Variants in COG1 observed in about 807,000 individuals in gnomAD.
COG1 encodes the protein conserved oligomeric Golgi complex subunit 1.
In COG1, 61 loss-of-function variants were observed where a neutral mutation model predicts 102.2. The ratio of observed to expected loss-of-function variants is 0.60; its 90% CI spans 0.49 to 0.74. The LOEUF is 0.74. Among genes scored for constraint, COG1 ranks in the 30% least tolerant of loss-of-function variants. The pLI, the probability that COG1 is intolerant of heterozygous loss-of-function variation, is 0.00. For synonymous variants in COG1, 454 were observed against 493.6 expected (o/e 0.92, Z 1.06); for missense variants, 1,164 against 1,232.1 (o/e 0.94, Z 0.83).
At chr17:73,200,536 T>G in intron 5 of COG1, 30 bp from the exon 6 acceptor site, 1 of 1,586,036 alleles carries the variant, frequency 6.3e-7, no homozygotes, top group Non-Finnish European at 8.7e-7. Flanking sequence ...ATGCCTCTGA[T>G]GGAGCCCAAA....
chr17:73,206,670 T>G, intron 11 of COG1, 38 bp from the exon 12 acceptor site: 2 of 1,188,700 alleles, frequency 1.7e-6, no homozygotes, highest in Non-Finnish European at 2.5e-6. Flanking sequence ...TTCTTTTACC[T>G]GCACAATGAA....
At chr17:73,194,152 A>ATTTTTTTTTTTTTTTT (rs1257232460) in intron 1 of COG1, among the ~76,000 whole-genome samples, 7 of 147,482 alleles carry the variant, frequency 4.7e-5, no homozygotes, top group Admixed American at 6.8e-5. Flanking sequence ...TTCCTAAAGA[A>ATTTTTTTTTTTTTTTT]TTTTTATTGG....
chr17:73,194,641 T>C (rs543395775), intron 1 of COG1, among the ~76,000 whole-genome samples: 41 of 151,874 alleles, frequency 2.7e-4, no homozygotes, highest in African/African-American at 9.9e-4. Context: ...TTTTTGTACT[T>C]TCAGTAGAGA....
rs1209287996 is a variant in COG1 at position 73,197,065 on chromosome 17, C to G, written c.726C>G (p.Leu242=). 4.3e-6 allele frequency: 7 copies of G among 1,614,048 alleles called. No homozygotes were observed. The African/African-American group carries it at 8.0e-5, about 18-fold the overall frequency. Residue 242 remains leucine (L), a synonymous_variant, in exon 3 of 14, where the codon CTC becomes CTG. Transcript: ENST00000299886. ...LARKATIQKL[L]NQPHHGAGIK... ...GAAAGGCAACTATTCAGAAACTTCT[C>G]AACCAGCCACACCATGGTGGGTGTG...
At position 73,203,645 on chromosome 17, in the gene COG1, T is replaced by C. The variant is rs2061356036; in HGVS notation, c.2234T>C (p.Val745Ala). 6.2e-7 allele frequency: 1 copy of C among 1,614,254 alleles called. No individual in the cohort carries two copies. Among genetic ancestry groups the C allele is most frequent in the Non-Finnish European group, 8.5e-7 (1 of 1,180,050 alleles). ...IRLPAQPSWYVQSFLFSLCQE... is the reference protein window; with the variant it reads ...IRLPAQPSWYAQSFLFSLCQE... ...TTGTTCTTTTAGCCGTCCTGGTATGTACAGTCCTTCCTGTTTAGTTTATGC... is the reference window on the plus strand; with the variant it reads ...TTGTTCTTTTAGCCGTCCTGGTATGCACAGTCCTTCCTGTTTAGTTTATGC... Residue 745 changes from valine (V) to alanine (A), a missense_variant, in exon 9 of 14, where the codon GTA (valine) becomes GCA (alanine). Transcript: ENST00000299886.
intron 13 of COG1, 188 bp downstream of exon 13, chr17:73,207,444 G>T: frequency 1.4e-6 from 1 of 712,226 alleles, no homozygotes; most frequent in Non-Finnish European, 2.5e-6. Context: ...AGGTGTAAAA[G>T]ATGCCCGCTG....
chr17:73,195,470 C>G (rs1261026127), intron 1 of COG1, among the ~76,000 whole-genome samples: 6 of 151,926 alleles, frequency 3.9e-5, no homozygotes, highest in African/African-American at 1.5e-4. Flanking sequence ...AAAAAGTGAG[C>G]GGGCATGGTG....
At chr17:73,202,472 T>C (rs2061351219) in intron 7 of COG1, among the ~76,000 whole-genome samples, 1 of 152,110 alleles carries the variant, frequency 6.6e-6, no homozygotes, top group African/African-American at 2.4e-5. Context: ...ATATTCCCAG[T>C]AGCCTCCACT....
At chr17:73,201,979 CAGT>C in intron 7 of COG1, 79 bp downstream of exon 7, 1 of 1,320,766 alleles carries the variant, frequency 7.6e-7, no homozygotes, top group Admixed American at 1.8e-5. Flanking sequence ...TCAGTTCCTT[CAGT>C]AGTAAAGGCA....
At position 73,207,705 on chromosome 17, in the gene COG1, G is replaced by A. The variant is rs3751924; in HGVS notation, c.2805+449G>A. 3.2e-4 allele frequency: 408 copies of A among 1,292,184 alleles called. 1 individual carries two copies. In the East Asian group the frequency reaches 6.8e-3, roughly 22 times the overall value. The allele number at this position is 1,292,184 out of a possible 1,614,324, so 80.0% of individuals were successfully genotyped here. A position where few individuals can be genotyped will look rare whatever the true frequency, so the allele number is the denominator to read the frequency against. ...GTTAATACACGTTTCATTTCAGTAC[G>A]ATGCCAACTGTTAAGCCTGCAGGAA... On this transcript the variant is annotated intron_variant, in intron 13 of 13. Coordinates refer to ENST00000299886, the MANE Select transcript of COG1 (RefSeq NM_018714.3).
chr17:73,205,986 A>T, intron 10 of COG1, 168 bp from the exon 11 acceptor site: 1 of 697,306 alleles, frequency 1.4e-6, no homozygotes, highest in East Asian at 2.7e-5. Flanking sequence ...CTTCACTTAG[A>T]CATCATGCTT....
rs1486692795 is a variant in COG1 at position 73,197,072 on chromosome 17, C to T, written c.733C>T (p.Pro245Ser). 2.5e-6 allele frequency: 4 copies of T among 1,614,212 alleles called. No individual in the cohort carries two copies. The highest frequency in any genetic ancestry group is 2.2e-5 in the East Asian group (1 of 44,884). Reference protein sequence around the residue: ...KATIQKLLNQPHHGAGIKAQI... With the variant: ...KATIQKLLNQSHHGAGIKAQI... ...AACTATTCAGAAACTTCTCAACCAGCCACACCATGGTGGGTGTGGCTTCTG... is the reference window on the plus strand; with the variant it reads ...AACTATTCAGAAACTTCTCAACCAGTCACACCATGGTGGGTGTGGCTTCTG... Residue 245 changes from proline (P) to serine (S), a missense_variant, in exon 3 of 14, where the codon CCA (proline) becomes TCA (serine). By Grantham distance (74) the Pro-to-Ser change is moderately conservative. Coordinates refer to ENST00000299886, the MANE Select transcript of COG1 (RefSeq NM_018714.3).
rs1192912617 is a variant in COG1, at chr17:73,205,677, C to G, written c.2507C>G (p.Ser836Cys). Reference sequence around the variant, plus strand: ...AAGAGTGGCCGGAGCAAGCCAGACTCCAGGTGTCGTATCCTCTAGGGAGCT... The same window carrying G: ...AAGAGTGGCCGGAGCAAGCCAGACTGCAGGTGTCGTATCCTCTAGGGAGCT... ...EVKSGRSKPD[S>C]RIEKVTDHLE... The change falls in exon 10 of 14, where the codon TCC becomes TGC. Residue 836 changes from serine (S) to cysteine (C), a missense_variant. Coordinates refer to ENST00000299886, the MANE Select transcript of COG1 (RefSeq NM_018714.3). 1 of 1,613,674 alleles carries G rather than the reference C, an allele frequency of 6.2e-7. No homozygotes were observed. Among genetic ancestry groups the G allele is most frequent in the Non-Finnish European group, 8.5e-7 (1 of 1,180,006 alleles).
chr17:73,204,517 G>A (rs770184764), intron 9 of COG1, among the ~76,000 whole-genome samples: 2 of 150,348 alleles, frequency 1.3e-5, no homozygotes, highest in Non-Finnish European at 3.0e-5. Flanking sequence ...TCTAGGAAGC[G>A]TTCTGCCCTT....
rs1477476023 is a variant in COG1 at position 73,207,068 on chromosome 17, G to C, written c.2730-113G>C. 9 of 930,696 alleles carry C rather than the reference G, an allele frequency of 9.7e-6. No homozygotes were observed. In the African/African-American group the frequency reaches 1.7e-4, roughly 18 times the overall value. 57.7% of individuals were successfully genotyped at this position (930,696 alleles called of 1,614,324 possible). Reference sequence around the variant, plus strand: ...AGATTGCGCCACTGCACTCCAGCCTGGGCGACAGAACGAGACTCTGTCTCA... The same window carrying C: ...AGATTGCGCCACTGCACTCCAGCCTCGGCGACAGAACGAGACTCTGTCTCA... On this transcript the variant is annotated intron_variant, in intron 12 of 13. Coordinates refer to ENST00000299886, the MANE Select transcript of COG1 (RefSeq NM_018714.3).
rs532509923 is a variant in COG1 at position 73,196,848 on chromosome 17, T to G, written c.561-52T>G. On this transcript the variant is annotated intron_variant, in intron 2 of 13. Coordinates refer to ENST00000299886, the MANE Select transcript of COG1 (RefSeq NM_018714.3). ...CTTCTTTCCTGATGTACCAAAGCTC[T>G]TTACCCAAGATGTGAAAAACACCCT... The G allele has an allele frequency of 2.5e-6, 4 of 1,613,776 alleles. No homozygotes were observed. In the East Asian group the frequency reaches 6.7e-5, roughly 27 times the overall value.
At chr17:73,197,770 G>T (rs1306058485) in intron 4 of COG1, among the ~76,000 whole-genome samples, 1 of 152,192 alleles carries the variant, frequency 6.6e-6, no homozygotes, top group Non-Finnish European at 1.5e-5. Context: ...TCAGGCAAAG[G>T]GAAGAGGATG....
intron 9 of COG1, among the ~76,000 whole-genome samples, chr17:73,204,056 G>A (rs559153055): frequency 6.6e-6 from 1 of 152,292 alleles, no homozygotes; most frequent in Non-Finnish European, 1.5e-5. Flanking sequence ...AGAACTTTGG[G>A]AGGCTGAGGT....
rs1486063963 is a variant in COG1, at chr17:73,197,122, G to A, written c.742+41G>A. On this transcript the variant is annotated intron_variant, in intron 3 of 13. Coordinates refer to ENST00000299886, the MANE Select transcript of COG1 (RefSeq NM_018714.3). ...GGCCAACATTTGGTCCTTAAATATG[G>A]GATGGAGAAGGGTGAGCTGCGGGAG... 7 of 1,613,340 alleles carry A rather than the reference G, an allele frequency of 4.3e-6. No individual in the cohort carries two copies. The African/African-American group carries it at 8.0e-5, about 18-fold the overall frequency.
Sources: allele counts gnomAD v4.1 joint callset (sites outside exome capture counted in the v4.1 genomes callset), GRCh38; gene constraint gnomAD v4.1.1; transcripts MANE v1.5; gene names NCBI Gene and HGNC (gene_info 2026-07-23, HGNC 2026-07-21).